The following GRIK3 variants were observed in gnomAD, a reference collection of about 807,000 sequenced individuals.
GRIK3 encodes glutamate ionotropic receptor kainate type subunit 3, also known as glutamate receptor ionotropic, kainate 3.
In GRIK3, 29 loss-of-function variants were observed where a neutral mutation model predicts 102.5. That is an observed-to-expected ratio of 0.28 (90% CI 0.21 to 0.39). The LOEUF is 0.39. Among genes scored for constraint, GRIK3 ranks in the 10% least tolerant of loss-of-function variants. The pLI, the probability that GRIK3 is intolerant of heterozygous loss-of-function variation, is 1.00. For synonymous variants in GRIK3, 511 were observed against 504.9 expected, an observed-to-expected ratio of 1.01 and a Z score of -0.16; for missense variants, 908 against 1,252.4, an observed-to-expected ratio of 0.73 and a Z score of 4.15.
At chr1:37,012,308 A>G (rs1345835685) in intron 1 of GRIK3, among the ~76,000 whole-genome samples, 1 of 152,238 alleles carries the variant, frequency 6.6e-6, no homozygotes, top group Non-Finnish European at 1.5e-5. Flanking sequence ...AGGGCCAGGC[A>G]GGATCACTGT....
intron 1 of GRIK3, among the ~76,000 whole-genome samples, chr1:36,960,860 T>C (rs754500370): frequency 6.6e-6 from 1 of 152,174 alleles, no homozygotes; most frequent in Non-Finnish European, 1.5e-5. Flanking sequence ...TCAAGGTCCC[T>C]TCTAGCCTAG....
intron 1 of GRIK3, among the ~76,000 whole-genome samples, chr1:36,950,653 C>T (rs527640369): frequency 5.3e-5 from 8 of 152,344 alleles, no homozygotes; most frequent in African/African-American, 1.9e-4. Context: ...CCAATTGGTA[C>T]CCACATCCTG....
At position 36,838,310 on chromosome 1, in the gene GRIK3, C is replaced by T. The variant is rs186807839; in HGVS notation, c.1530+3426G>A. On this transcript the variant is annotated intron_variant, in intron 10 of 15. Transcript: ENST00000373091. Reference sequence around the variant, plus strand: ...CTAGACTCAGAATTTGAACCCATTTCGGTTAGATTCCAGAGTCATCAAAAC... The same window carrying T: ...CTAGACTCAGAATTTGAACCCATTTTGGTTAGATTCCAGAGTCATCAAAAC... 1.6e-4 allele frequency among the ~76,000 whole-genome samples: 25 copies of T among 152,228 alleles called. 1 individual carries two copies. Among genetic ancestry groups the T allele is most frequent in the South Asian group, 1.2e-3 (6 of 4,816 alleles).
chr1:37,031,302 T>C (rs1287452540), intron 1 of GRIK3, among the ~76,000 whole-genome samples: 6 of 152,232 alleles, frequency 3.9e-5, no homozygotes, highest in Admixed American at 3.9e-4. Context: ...CCTCACTCTC[T>C]TTTGTTACTT....
intron 1 of GRIK3, among the ~76,000 whole-genome samples, chr1:36,996,376 G>A (rs149840578): frequency 6.6e-6 from 1 of 152,318 alleles, no homozygotes; most frequent in Non-Finnish European, 1.5e-5. Context: ...TACTCCCTCT[G>A]GGACCACTTG....
chr1:36,813,588 T>C (rs1460503618), intron 13 of GRIK3, among the ~76,000 whole-genome samples: 2 of 152,156 alleles, frequency 1.3e-5, no homozygotes, highest in Non-Finnish European at 1.5e-5. Flanking sequence ...CCTGTTTCTC[T>C]GGGTTAATCT....
At chr1:36,854,377 C>G (rs1279443793) in intron 7 of GRIK3, among the ~76,000 whole-genome samples, 3 of 152,184 alleles carry the variant, frequency 2.0e-5, no homozygotes, top group Non-Finnish European at 4.4e-5. Flanking sequence ...ATATAAAATA[C>G]TGAGAACGGT....
chr1:36,828,711 A>G (rs1274241931), intron 10 of GRIK3, among the ~76,000 whole-genome samples: 1 of 152,226 alleles, frequency 6.6e-6, no homozygotes, highest in Non-Finnish European at 1.5e-5. Context: ...CATTGCTCAA[A>G]ATGCCTTTGG....
chr1:36,916,700 G>T (rs926228060), intron 1 of GRIK3, among the ~76,000 whole-genome samples: 2 of 152,186 alleles, frequency 1.3e-5, no homozygotes, highest in African/African-American at 4.8e-5. Context: ...GAGCCTGCAG[G>T]TGCCCAAAAG....
At chr1:36,971,810 CCACCTGA>C (rs1410082096) in intron 1 of GRIK3, among the ~76,000 whole-genome samples, 2 of 152,162 alleles carry the variant, frequency 1.3e-5, no homozygotes, top group Non-Finnish European at 2.9e-5. Context: ...CCACATTCCC[CCACCTGA>C]CACCTTCCTT....
At position 36,805,936 on chromosome 1, in the gene GRIK3, C is replaced by CAAAAAA. The variant is rs749853809; in HGVS notation, c.2314+162_2314+167dup. On this transcript the variant is annotated intron_variant, in intron 14 of 15. Transcript: ENST00000373091. ...GGGCAACAAAAGCGAAACTCCACCT[C>CAAAAAA]AAAAAAAAAAAAAAAAAAAAAAAAA... 4.5e-3 allele frequency among the ~76,000 whole-genome samples: 141 copies of CAAAAAA among 31,460 alleles called. 2 individuals carry two copies. Among genetic ancestry groups the CAAAAAA allele is most frequent in the African/African-American group, 0.017 (129 of 7,444 alleles). 20.6% of individuals were successfully genotyped at this position (31,460 alleles called of 152,430 possible). A position where few individuals can be genotyped will look rare whatever the true frequency, so the allele number is the denominator to read the frequency against.
At chr1:36,939,592 G>T (rs1046082645) in intron 1 of GRIK3, among the ~76,000 whole-genome samples, 3 of 152,228 alleles carry the variant, frequency 2.0e-5, no homozygotes, top group African/African-American at 4.8e-5. Flanking sequence ...GCAGAAATGT[G>T]TATTACAAGG....
At chr1:36,988,950 C>G (rs549577539) in intron 1 of GRIK3, among the ~76,000 whole-genome samples, 3 of 152,252 alleles carry the variant, frequency 2.0e-5, no homozygotes, top group African/African-American at 7.2e-5. Context: ...CGTACAGGCC[C>G]GAGCTGGTGG....
chr1:36,871,378 C>T (rs1384796569), intron 4 of GRIK3, among the ~76,000 whole-genome samples: 1 of 152,208 alleles, frequency 6.6e-6, no homozygotes, highest in East Asian at 1.9e-4. Context: ...CGTGTCTCCT[C>T]CTGCACCCCT....
chr1:36,883,219 T>TGTTAAACG (rs1641002855), intron 2 of GRIK3, among the ~76,000 whole-genome samples: 1 of 152,228 alleles, frequency 6.6e-6, no homozygotes, highest in Non-Finnish European at 1.5e-5. Flanking sequence ...GCTAAAAAAC[T>TGTTAAACG]GTTAAACGAA....
intron 1 of GRIK3, among the ~76,000 whole-genome samples, chr1:36,935,792 A>T (rs1306073724): frequency 2.6e-5 from 4 of 152,364 alleles, no homozygotes; most frequent in African/African-American, 9.6e-5. Context: ...AACTCAAAGA[A>T]TCGGAAAACT....
chr1:36,949,574 CTTTTTTTT>C (rs60157852), intron 1 of GRIK3, among the ~76,000 whole-genome samples: 1 of 99,682 alleles, frequency 1.0e-5, no homozygotes, highest in African/African-American at 3.9e-5. Context: ...CTCTCTCTTT[CTTTTTTTT>C]TTTTTTTTTT....
At chr1:36,844,241 C>T (rs1465816570) in intron 9 of GRIK3, among the ~76,000 whole-genome samples, 1 of 152,238 alleles carries the variant, frequency 6.6e-6, no homozygotes, top group Non-Finnish European at 1.5e-5. Flanking sequence ...GATTCTGAGT[C>T]TAACTGGGTA....
intron 4 of GRIK3, among the ~76,000 whole-genome samples, chr1:36,870,105 GC>G (rs1557708739): frequency 6.6e-6 from 1 of 152,238 alleles, no homozygotes; most frequent in Non-Finnish European, 1.5e-5. Context: ...TTTTGAGTAA[GC>G]GTCTCCCGGC....
Sources: gnomAD v4.1 joint callset for allele counts (sites outside exome capture counted in the v4.1 genomes callset) on GRCh38, gnomAD v4.1.1 for gene constraint, MANE v1.5 for transcripts, NCBI Gene and HGNC (gene_info 2026-07-23, HGNC 2026-07-21) for gene names.